ALMS1: variants seen among roughly 807,000 people sequenced by gnomAD.
ALMS1 encodes the protein centrosome-associated protein ALMS1.
ALMS1 carries 271 observed loss-of-function variants against 352.2 expected under a neutral mutation model. That is an observed-to-expected ratio of 0.77 (90% CI 0.70 to 0.85). The LOEUF (loss-of-function observed/expected upper bound fraction) is 0.85. Among genes scored for constraint, ALMS1 ranks in the 40% least tolerant of loss-of-function variants. The pLI is 0.00. For missense variants in ALMS1, 5,445 were observed against 4,870.7 expected, an observed-to-expected ratio of 1.12 and a Z score of -3.51; for synonymous variants, 1,865 against 1,761.2, an observed-to-expected ratio of 1.06 and a Z score of -1.48.
intron 16 of ALMS1, among the ~76,000 whole-genome samples, chr2:73,585,823 G>A (rs1675299644): frequency 6.9e-6 from 1 of 145,612 alleles, no homozygotes; most frequent in Non-Finnish European, 1.5e-5. Flanking sequence ...CTGCATCCCG[G>A]GTTCAAGCAG....
intron 10 of ALMS1, among the ~76,000 whole-genome samples, chr2:73,494,558 A>C (rs900330096): frequency 6.6e-6 from 1 of 152,106 alleles, no homozygotes; most frequent in Non-Finnish European, 1.5e-5. Flanking sequence ...AGACTCCTCC[A>C]ATCTATGACA....
At chr2:73,511,729 A>G (rs1558676081) in intron 10 of ALMS1, among the ~76,000 whole-genome samples, 1 of 152,190 alleles carries the variant, frequency 6.6e-6, no homozygotes, top group Non-Finnish European at 1.5e-5. Context: ...AACATGGGAA[A>G]TGTCTGAAGA....
chr2:73,460,252 C>A (rs1035602076), intron 9 of ALMS1, among the ~76,000 whole-genome samples: 1 of 152,124 alleles, frequency 6.6e-6, no homozygotes, highest in African/African-American at 2.4e-5. Flanking sequence ...TATTATTATA[C>A]CATTCCAGAT....
chr2:73,583,554 T>C (rs1278484900), intron 16 of ALMS1, among the ~76,000 whole-genome samples: 1 of 152,204 alleles, frequency 6.6e-6, no homozygotes, highest in Admixed American at 6.5e-5. Context: ...TGGTGTAATA[T>C]TCAAAAAATT....
rs753533853 is a variant in ALMS1 at position 73,452,464 on chromosome 2, G to C, written c.5937G>C (p.Gly1979=). The C allele has an allele frequency of 1.9e-5, 31 of 1,613,898 alleles. 1 individual carries two copies. In the Middle Eastern group the frequency reaches 6.6e-4, roughly 34 times the overall value. ...PVSIPAEQKT[G]IPIGLSSSYS... is the part of the protein sequence containing the mutation. ...CTATACCAGCAGAGCAGAAGACTGGGATACCAATAGGACTGTCTAGTTCCT... is the reference window on the plus strand; with the variant it reads ...CTATACCAGCAGAGCAGAAGACTGGCATACCAATAGGACTGTCTAGTTCCT... The change falls in exon 8 of 23, where the codon GGG becomes GGC. Residue 1979 remains glycine, a synonymous_variant. Coordinates refer to ENST00000613296, the MANE Select transcript of ALMS1 (RefSeq NM_001378454.1).
intron 7 of ALMS1, 58 bp from the exon 8 acceptor site, chr2:73,447,902 A>G (rs772086487): frequency 1.3e-6 from 2 of 1,508,896 alleles, no homozygotes; most frequent in Admixed American, 2.2e-5. Flanking sequence ...TTTTTCCAGC[A>G]CATAGAATTT....
At chr2:73,392,783 A>G (rs899551517) in intron 1 of ALMS1, among the ~76,000 whole-genome samples, 9 of 152,000 alleles carry the variant, frequency 5.9e-5, no homozygotes, top group South Asian at 4.1e-4. Context: ...CTTTTTGGCT[A>G]TTATGTATAA....
intron 10 of ALMS1, 22 bp downstream of exon 10, chr2:73,491,520 A>G: frequency 6.2e-7 from 1 of 1,611,906 alleles, no homozygotes; most frequent in Non-Finnish European, 8.5e-7. Flanking sequence ...TGTGATAACA[A>G]GCAAGCTGGA....
At chr2:73,492,329 G>A (rs1223523466) in intron 10 of ALMS1, among the ~76,000 whole-genome samples, 1 of 152,184 alleles carries the variant, frequency 6.6e-6, no homozygotes, top group Non-Finnish European at 1.5e-5. Flanking sequence ...AGTAGTCATG[G>A]CAATAAGGAA....
intron 12 of ALMS1, among the ~76,000 whole-genome samples, chr2:73,546,112 G>T (rs1279536262): frequency 6.6e-6 from 1 of 152,080 alleles, no homozygotes; most frequent in Non-Finnish European, 1.5e-5. Flanking sequence ...CCTTCCTAAG[G>T]TACCTTCAAG....
At chr2:73,486,575 G>T (rs1021422227) in intron 9 of ALMS1, among the ~76,000 whole-genome samples, 6 of 152,138 alleles carry the variant, frequency 3.9e-5, no homozygotes, top group Non-Finnish European at 7.3e-5. Flanking sequence ...GACTTCTTCA[G>T]CTCCAAGTCT....
At chr2:73,465,958 T>C (rs942312210) in intron 9 of ALMS1, among the ~76,000 whole-genome samples, 57 of 152,262 alleles carry the variant, frequency 3.7e-4, no homozygotes, top group African/African-American at 1.3e-3. Flanking sequence ...CCAGTTAGAA[T>C]GGCGATCATT....
At position 73,419,216 on chromosome 2, in the gene ALMS1, A is replaced by T; in HGVS notation, c.544A>T (p.Thr182Ser). Reference sequence around the variant, plus strand: ...TAGGTTTAATGTGAGAACGGAAGATACTGAAGTGACAGACTTCCCCTCTCT... The same window carrying T: ...TAGGTTTAATGTGAGAACGGAAGATTCTGAAGTGACAGACTTCCCCTCTCT... ...QTRFNVRTEDTEVTDFPSLEE... is the reference protein window; with the variant it reads ...QTRFNVRTEDSEVTDFPSLEE... Residue 182 changes from threonine to serine, a missense_variant, in exon 3 of 23, where the codon ACT (threonine) becomes TCT (serine). Coordinates refer to ENST00000613296, the MANE Select transcript of ALMS1 (RefSeq NM_001378454.1). The T allele has an allele frequency of 6.2e-7, 1 of 1,613,974 alleles. No individual in the cohort carries two copies. Among genetic ancestry groups the T allele is most frequent in the Non-Finnish European group, 8.5e-7 (1 of 1,179,858 alleles).
intron 10 of ALMS1, 47 bp from the exon 11 acceptor site, chr2:73,519,728 A>G (rs369966993): frequency 4.4e-5 from 71 of 1,611,460 alleles, no homozygotes; most frequent in Non-Finnish European, 5.7e-5. Context: ...TTCAGTCTCT[A>G]ATGGCCAAGG....
intron 10 of ALMS1, among the ~76,000 whole-genome samples, chr2:73,501,401 A>G (rs1572977740): frequency 6.6e-6 from 1 of 151,954 alleles, no homozygotes; most frequent in East Asian, 1.9e-4. Flanking sequence ...AAGTGTTGTA[A>G]AAGTTTTCTC....
intron 9 of ALMS1, among the ~76,000 whole-genome samples, chr2:73,483,632 G>T (rs976225595): frequency 6.6e-6 from 1 of 151,372 alleles, no homozygotes; most frequent in Non-Finnish European, 1.5e-5. Flanking sequence ...TATCCTTGTT[G>T]ACTTTCTGTC....
At chr2:73,604,133 A>C (rs1481411369) in intron 21 of ALMS1, 3 of 152,232 alleles carry the variant, frequency 2.0e-5, no homozygotes, top group Admixed American at 6.5e-5. Context: ...GACAGAAAAA[A>C]CTGGTAATAC....
chr2:73,538,079 C>T (rs916396311), intron 12 of ALMS1, among the ~76,000 whole-genome samples: 1 of 152,120 alleles, frequency 6.6e-6, no homozygotes, highest in Non-Finnish European at 1.5e-5. Flanking sequence ...AAATTCAAAA[C>T]TTTTGTACAC....
intron 16 of ALMS1, among the ~76,000 whole-genome samples, chr2:73,581,354 C>CT (rs1675173820): frequency 6.6e-6 from 1 of 152,154 alleles, no homozygotes; most frequent in African/African-American, 2.4e-5. Context: ...AATACTCAGA[C>CT]ATGTCAAAAC....
Sources: allele counts gnomAD v4.1 joint callset (sites outside exome capture counted in the v4.1 genomes callset), GRCh38; gene constraint gnomAD v4.1.1; transcripts MANE v1.5; gene names NCBI Gene and HGNC (gene_info 2026-07-23, HGNC 2026-07-21).